The following VAMP4 variants were observed in gnomAD, a reference collection of about 807,000 sequenced individuals.
VAMP4 encodes vesicle-associated membrane protein 4.
A neutral mutation model predicts 23.5 loss-of-function variants in VAMP4; 19 were observed. That is an observed-to-expected ratio of 0.81 (90% CI 0.56 to 1.19). The LOEUF is 1.19. Ranked by LOEUF, VAMP4 falls within the 50% of genes most tolerant of loss-of-function variation. The probability of loss-of-function intolerance (pLI) is 0.00; values close to 1 mark genes in which losing one functional copy is unlikely to be tolerated. For synonymous variants in VAMP4, 31 were observed against 51.0 expected (o/e 0.61, Z 1.67); for missense variants, 145 against 168.6 (o/e 0.86, Z 0.78).
chr1:171,718,692 G>A (rs1023977339), intron 4 of VAMP4, among the ~76,000 whole-genome samples: 1 of 152,088 alleles, frequency 6.6e-6, no homozygotes, highest in African/African-American at 2.4e-5. Flanking sequence ...TATTACCTTT[G>A]TTATCATTCT....
At chr1:171,714,513 T>C (rs1243763051) in intron 4 of VAMP4, among the ~76,000 whole-genome samples, 1 of 152,248 alleles carries the variant, frequency 6.6e-6, no homozygotes, top group Non-Finnish European at 1.5e-5. Context: ...GGCTCAGGGC[T>C]GTAATCCCAG....
Position 171,709,664 on chromosome 1 carries a change from C to T in VAMP4, c.345+1G>A. 6.2e-7 allele frequency: 1 copy of T among 1,604,466 alleles called. No homozygotes were observed. The highest frequency in any genetic ancestry group is 8.5e-7 in the Non-Finnish European group (1 of 1,174,548). On this transcript the variant is annotated splice_donor_variant, in intron 6 of 7. Transcript: ENST00000236192. LOFTEE classifies it high-confidence loss of function. ...TATCCAGTAGCTTCTGATTTACTTACTTTGCATCCACGCCACCACATTTGC... is the reference window on the plus strand; with the variant it reads ...TATCCAGTAGCTTCTGATTTACTTATTTTGCATCCACGCCACCACATTTGC...
At chr1:171,732,075 CA>C (rs1029474819) in intron 2 of VAMP4, among the ~76,000 whole-genome samples, 1 of 151,974 alleles carries the variant, frequency 6.6e-6, no homozygotes, top group African/African-American at 2.4e-5. Context: ...GCCAAACACA[CA>C]AAAAAATCTA....
At chr1:171,725,682 C>T (rs1655340968) in intron 3 of VAMP4, among the ~76,000 whole-genome samples, 2 of 151,870 alleles carry the variant, frequency 1.3e-5, no homozygotes. Context: ...CACTGCTTCT[C>T]GGGTTTCCAT....
At position 171,721,812 on chromosome 1, in the gene VAMP4, G is replaced by T. The variant is rs558332438; in HGVS notation, c.114-2591C>A. Among the ~76,000 whole-genome samples the T allele has an allele frequency of 3.9e-5, 6 of 152,250 alleles. No individual in the cohort carries two copies. The East Asian group carries it at 9.6e-4, about 24-fold the overall frequency. On this transcript the variant is annotated intron_variant, in intron 3 of 7. Coordinates refer to ENST00000236192, the MANE Select transcript of VAMP4 (RefSeq NM_003762.5). ...CATGGATAGGAAGAATCAATATTGT[G>T]AAAATGGCCATACTGCCCAAGGTAA...
chr1:171,727,164 C>T (rs1468563566), intron 3 of VAMP4, among the ~76,000 whole-genome samples: 1 of 141,876 alleles, frequency 7.0e-6, no homozygotes, highest in Non-Finnish European at 1.5e-5. Context: ...CATTTGAGCC[C>T]AGTAGTTTGA....
chr1:171,714,963 T>C (rs1654980613), intron 4 of VAMP4, among the ~76,000 whole-genome samples: 1 of 152,098 alleles, frequency 6.6e-6, no homozygotes, highest in Non-Finnish European at 1.5e-5. Context: ...GGACCAGAGA[T>C]GACATCAAGA....
intron 3 of VAMP4, among the ~76,000 whole-genome samples, chr1:171,720,597 T>C (rs1446897122): frequency 1.3e-5 from 2 of 152,018 alleles, no homozygotes; most frequent in Non-Finnish European, 2.9e-5. Flanking sequence ...TAACAGAAGC[T>C]AAGTGAAGCG....
intron 4 of VAMP4, among the ~76,000 whole-genome samples, chr1:171,714,685 T>A (rs1371342125): frequency 1.3e-5 from 2 of 151,982 alleles, no homozygotes; most frequent in South Asian, 2.1e-4. Context: ...GGTGGGAGGA[T>A]CCTCCTCCGG....
intron 3 of VAMP4, among the ~76,000 whole-genome samples, chr1:171,721,821 C>T (rs991733403): frequency 6.6e-6 from 1 of 152,102 alleles, no homozygotes; most frequent in Non-Finnish European, 1.5e-5. Flanking sequence ...TGAAAATGGC[C>T]ATACTGCCCA....
rs533770624 is a variant in VAMP4, at chr1:171,732,567, T to G, written c.67-3997A>C. On this transcript the variant is annotated intron_variant, in intron 2 of 7. Transcript: ENST00000236192. ...ACCTCACAAAAAACAAAAAACATCC[T>G]TCTCATTAACTTTTATGTTAAATGT... is the stretch of plus-strand genomic sequence containing the variant. 1.2e-4 allele frequency among the ~76,000 whole-genome samples: 19 copies of G among 152,040 alleles called. No individual in the cohort carries two copies. In the East Asian group the frequency reaches 3.7e-3, roughly 29 times the overall value.
At chr1:171,715,661 G>A (rs955306937) in intron 4 of VAMP4, among the ~76,000 whole-genome samples, 2 of 152,116 alleles carry the variant, frequency 1.3e-5, no homozygotes, top group African/African-American at 4.8e-5. Flanking sequence ...AAATGTCAGT[G>A]CCCTTCGATT....
rs920154197 is a variant in VAMP4, at chr1:171,702,808, A to G, written c.*1698T>C. 1.3e-5 allele frequency: 2 copies of G among 152,042 alleles called. No individual in the cohort carries two copies. The highest frequency in any genetic ancestry group is 4.8e-5 in the African/African-American group (2 of 41,460). 9.4% of individuals were successfully genotyped at this position (152,042 alleles called of 1,614,324 possible). On this transcript the variant is annotated 3_prime_UTR_variant, in exon 8 of 8. Transcript: ENST00000236192. Reference sequence around the variant, plus strand: ...AGCATAGAGACCAAAGACAATATACACTATAGTATGTAAGACCTTTATCTC... The same window carrying G: ...AGCATAGAGACCAAAGACAATATACGCTATAGTATGTAAGACCTTTATCTC...
At position 171,734,176 on chromosome 1, in the gene VAMP4, G is replaced by A. The variant is rs143912352; in HGVS notation, c.66+4173C>T. Among the ~76,000 whole-genome samples the A allele has an allele frequency of 7.9e-3, 1,134 of 143,034 alleles. 6 individuals are homozygous for A. The highest frequency in any genetic ancestry group is 0.012 in the Middle Eastern group (3 of 254). 93.8% of individuals were successfully genotyped at this position (143,034 alleles called of 152,430 possible). ...CCAGCTACTTGGGAGGCTGAGGCAC[G>A]AAAATCACTTGAACCCAGGAGGTGG... is the stretch of plus-strand genomic sequence containing the variant. On this transcript the variant is annotated intron_variant, in intron 2 of 7. Transcript: ENST00000236192.
At chr1:171,726,262 G>A (rs1385984752) in intron 3 of VAMP4, among the ~76,000 whole-genome samples, 1 of 151,890 alleles carries the variant, frequency 6.6e-6, no homozygotes, top group Non-Finnish European at 1.5e-5. Context: ...ATGTTGGCCA[G>A]GCTGGTCTTG....
intron 4 of VAMP4, among the ~76,000 whole-genome samples, chr1:171,713,772 G>A (rs1654929583): frequency 6.6e-6 from 1 of 152,064 alleles, no homozygotes; most frequent in South Asian, 2.1e-4. Flanking sequence ...AGGTTAAGGT[G>A]CAGTGAACTG....
rs1467795711 is a variant in VAMP4 at position 171,702,285 on chromosome 1, A to T, written c.*2221T>A. 4 of 152,150 alleles carry T rather than the reference A, an allele frequency of 2.6e-5. 1 individual carries two copies. In the East Asian group the frequency reaches 7.7e-4, roughly 29 times the overall value. The allele number at this position is 152,150 out of a possible 1,614,324, so 9.4% of individuals were successfully genotyped here. ...AGAAAGATGAAATGATGAATTACAA[A>T]CCAAGCCATCACTACTACAAAGTTC... is the stretch of plus-strand genomic sequence containing the variant. On this transcript the variant is annotated 3_prime_UTR_variant, in exon 8 of 8. Coordinates refer to ENST00000236192, the MANE Select transcript of VAMP4 (RefSeq NM_003762.5).
chr1:171,708,328 A>T (rs535364371), intron 6 of VAMP4, among the ~76,000 whole-genome samples: 1 of 134,100 alleles, frequency 7.5e-6, no homozygotes, highest in Non-Finnish European at 1.6e-5. Context: ...AGACACAGCA[A>T]GAGTGCCACA....
At chr1:171,723,057 A>G (rs1386762567) in intron 3 of VAMP4, among the ~76,000 whole-genome samples, 3 of 152,282 alleles carry the variant, frequency 2.0e-5, no homozygotes, top group South Asian at 2.1e-4. Flanking sequence ...GGGAGACATC[A>G]CGTGTCGGCA....
Sources: gnomAD v4.1 joint callset for allele counts (sites outside exome capture counted in the v4.1 genomes callset) on GRCh38, gnomAD v4.1.1 for gene constraint, MANE v1.5 for transcripts, NCBI Gene and HGNC (gene_info 2026-07-23, HGNC 2026-07-21) for gene names.